Variants in CCDC60 observed in about 807,000 individuals in gnomAD.
CCDC60 encodes coiled-coil domain-containing protein 60.
Under a neutral mutation model 63.5 loss-of-function variants are expected in CCDC60, and 54 were observed. The observed-to-expected ratio is 0.85, with a 90% CI of 0.68 to 1.07. The LOEUF is 1.07. Ranked by LOEUF, CCDC60 falls within the 50% of genes least tolerant of loss-of-function variation. The probability of loss-of-function intolerance (pLI) is 0.00; values close to 1 mark genes in which losing one functional copy is unlikely to be tolerated. For synonymous variants in CCDC60, 206 were observed against 238.8 expected (o/e 0.86, Z 1.27); for missense variants, 651 against 684.3 (o/e 0.95, Z 0.54).
chr12:119,400,360 C>T (rs559989988), intron 1 of CCDC60, among the ~76,000 whole-genome samples: 43 of 152,306 alleles, frequency 2.8e-4, no homozygotes, highest in Non-Finnish European at 4.3e-4. Context: ...GGTTGGTTTC[C>T]ATAGGTCAGA....
intron 6 of CCDC60, among the ~76,000 whole-genome samples, chr12:119,503,561 C>T (rs568268): frequency 0.56 from 84,396 of 152,000 alleles, 24,249 homozygotes; most frequent in African/African-American, 0.61. Flanking sequence ...GTCGTTTGTA[C>T]AGAATTTCAC....
chr12:119,453,109 GA>G (rs1414758234), intron 2 of CCDC60, among the ~76,000 whole-genome samples: 1 of 152,208 alleles, frequency 6.6e-6, no homozygotes, highest in Non-Finnish European at 1.5e-5. Context: ...TTACAGGCGT[GA>G]GCCACCATAC....
At chr12:119,423,611 TA>T (rs1956852080) in intron 1 of CCDC60, among the ~76,000 whole-genome samples, 2 of 152,356 alleles carry the variant, frequency 1.3e-5, no homozygotes, top group Admixed American at 6.5e-5. Context: ...TCCATGAGTC[TA>T]GCTTATGCCA....
intron 2 of CCDC60, among the ~76,000 whole-genome samples, chr12:119,436,474 C>T (rs1273215910): frequency 2.0e-5 from 3 of 150,988 alleles, no homozygotes; most frequent in African/African-American, 4.9e-5. Context: ...GAGAAGAAGC[C>T]AACTAGGAAA....
chr12:119,422,140 G>C (rs1219862761), intron 1 of CCDC60, among the ~76,000 whole-genome samples: 1 of 152,160 alleles, frequency 6.6e-6, no homozygotes, highest in Non-Finnish European at 1.5e-5. Context: ...ACTTGACTTT[G>C]TTTTCTAGGA....
intron 8 of CCDC60, among the ~76,000 whole-genome samples, chr12:119,519,825 G>C (rs998573258): frequency 3.1e-4 from 47 of 149,518 alleles, no homozygotes; most frequent in Admixed American, 2.0e-4. Context: ...TTTGCTGTAT[G>C]GTGGGGAATT....
intron 1 of CCDC60, among the ~76,000 whole-genome samples, chr12:119,377,254 CAAAAAAAAAAAAAA>C (rs60100165): frequency 1.3e-4 from 6 of 47,444 alleles, no homozygotes; most frequent in Non-Finnish European, 1.9e-4. Context: ...CACTCCATCT[CAAAAAAAAAAAAAA>C]AAAAAAAAAA....
chr12:119,398,547 A>G (rs1160317408), intron 1 of CCDC60, among the ~76,000 whole-genome samples: 1 of 152,204 alleles, frequency 6.6e-6, no homozygotes, highest in Non-Finnish European at 1.5e-5. Context: ...AAGGCCGAGG[A>G]GGCGCCAAGA....
intron 4 of CCDC60, among the ~76,000 whole-genome samples, chr12:119,484,366 C>CTGT (rs566132740): frequency 6.6e-6 from 1 of 152,228 alleles, no homozygotes; most frequent in African/African-American, 2.4e-5. Flanking sequence ...CTTCGTTGTT[C>CTGT]TGTTGTTGTT....
chr12:119,451,084 GT>G (rs1950626440), intron 2 of CCDC60, among the ~76,000 whole-genome samples: 1 of 152,088 alleles, frequency 6.6e-6, no homozygotes, highest in African/African-American at 2.4e-5. Context: ...GAAAACTTTT[GT>G]TACTCAGCCC....
chr12:119,387,018 T>TCC (rs1956071849), intron 1 of CCDC60, among the ~76,000 whole-genome samples: 1 of 85,910 alleles, frequency 1.2e-5, no homozygotes, highest in Non-Finnish European at 2.3e-5. Flanking sequence ...TCTCCCTCCC[T>TCC]CCCCCTCTGT....
intron 1 of CCDC60, among the ~76,000 whole-genome samples, chr12:119,408,498 T>C (rs1956534059): frequency 6.6e-6 from 1 of 152,124 alleles, no homozygotes; most frequent in South Asian, 2.1e-4. Context: ...ATTAGGCTGG[T>C]GCAAACGTAG....
intron 4 of CCDC60, among the ~76,000 whole-genome samples, chr12:119,486,347 G>A (rs375125256): frequency 3.3e-5 from 5 of 152,046 alleles, no homozygotes; most frequent in Admixed American, 3.3e-4. Context: ...CGCTAGCCTA[G>A]GCAACGTAGG....
At chr12:119,497,367 T>C (rs1951737137) in intron 5 of CCDC60, among the ~76,000 whole-genome samples, 1 of 152,212 alleles carries the variant, frequency 6.6e-6, no homozygotes, top group Non-Finnish European at 1.5e-5. Context: ...TTTGGGTTAT[T>C]TGCTACTGAA....
chr12:119,503,775 T>C (rs1250684686), intron 6 of CCDC60, among the ~76,000 whole-genome samples: 1 of 152,180 alleles, frequency 6.6e-6, no homozygotes, highest in Non-Finnish European at 1.5e-5. Context: ...TACAGTGGAC[T>C]CCCTGAAATG....
intron 1 of CCDC60, among the ~76,000 whole-genome samples, chr12:119,382,435 A>G (rs1485313419): frequency 6.6e-6 from 1 of 152,198 alleles, no homozygotes; most frequent in East Asian, 1.9e-4. Flanking sequence ...GAAGGGGAAC[A>G]GGGTACAAAA....
At chr12:119,373,148 G>C (rs1028559751) in intron 1 of CCDC60, among the ~76,000 whole-genome samples, 13 of 152,134 alleles carry the variant, frequency 8.5e-5, no homozygotes, top group African/African-American at 3.1e-4. Flanking sequence ...CTGAAATGCA[G>C]TCAAGCTGAC....
At chr12:119,534,885 T>G (rs1214824437) in intron 13 of CCDC60, among the ~76,000 whole-genome samples, 1 of 152,200 alleles carries the variant, frequency 6.6e-6, no homozygotes, top group Non-Finnish European at 1.5e-5. Flanking sequence ...TCTCTTTTTT[T>G]GTTTTGTCTC....
intron 1 of CCDC60, among the ~76,000 whole-genome samples, chr12:119,414,441 G>A (rs964250320): frequency 2.0e-5 from 3 of 152,166 alleles, no homozygotes; most frequent in African/African-American, 7.2e-5. Context: ...AGAAAATAGT[G>A]GAATAATGTC....
Sources: allele counts gnomAD v4.1 joint callset (sites outside exome capture counted in the v4.1 genomes callset), GRCh38; gene constraint gnomAD v4.1.1; transcripts MANE v1.5; gene names NCBI Gene and HGNC (gene_info 2026-07-23, HGNC 2026-07-21).